FBXO40: variants seen among roughly 807,000 people sequenced by gnomAD.
FBXO40 encodes F-box protein 40.
Under a neutral mutation model 49.9 loss-of-function variants are expected in FBXO40, and 50 were observed. That is an observed-to-expected ratio of 1.00 (90% CI 0.80 to 1.27). The LOEUF (loss-of-function observed/expected upper bound fraction) is 1.27. Among genes scored for constraint, FBXO40 ranks in the 50% most tolerant of loss-of-function variants. The pLI, the probability that FBXO40 is intolerant of heterozygous loss-of-function variation, is 0.00. For missense variants in FBXO40, 895 were observed against 870.1 expected (o/e 1.03, Z -0.36); for synonymous variants, 340 against 320.2 (o/e 1.06, Z -0.66).
chr3:121,617,951 G>A (rs1193978730), intron 1 of FBXO40, among the ~76,000 whole-genome samples: 7 of 151,948 alleles, frequency 4.6e-5, no homozygotes, highest in African/African-American at 1.7e-4. Context: ...AGTGAGCTGT[G>A]ATGTGCCACT....
intron 1 of FBXO40, among the ~76,000 whole-genome samples, chr3:121,617,694 G>A (rs2049005999): frequency 6.6e-6 from 1 of 151,168 alleles, no homozygotes; most frequent in Non-Finnish European, 1.5e-5. Context: ...ATAATTTATT[G>A]TATATCTCAA....
intron 2 of FBXO40, 65 bp downstream of exon 2, chr3:121,620,643 G>A (rs1455975717): frequency 1.9e-6 from 3 of 1,599,294 alleles, no homozygotes; most frequent in East Asian, 2.2e-5. Context: ...CATTTATCCT[G>A]TAGCCCAAGC....
chr3:121,622,636 G>T lies in FBXO40; in HGVS notation c.1207G>T (p.Ala403Ser). 6.2e-7 allele frequency: 1 copy of T among 1,614,196 alleles called. No individual in the cohort carries two copies. Among genetic ancestry groups the T allele is most frequent in the Non-Finnish European group, 8.5e-7 (1 of 1,180,028 alleles). The change falls in exon 3 of 4, where the codon GCT (alanine) becomes TCT (serine). Residue 403 changes from alanine to serine, a missense_variant. Transcript: ENST00000338040. ...TCTCATCAAGACCACCCTCCAGTGT[G>T]CTTTGGAAAGAGAACTCAAAGGCCA... ...SDLIKTTLQC[A>S]LERELKGHVI... is the part of the protein sequence containing the mutation.
chr3:121,594,320 C>G (rs1176750030), intron 1 of FBXO40, among the ~76,000 whole-genome samples: 1 of 152,150 alleles, frequency 6.6e-6, no homozygotes, highest in Non-Finnish European at 1.5e-5. Flanking sequence ...CCTGCTTCAG[C>G]CTCCTGAGTA....
Position 121,625,186 on chromosome 3 carries a change from A to G in FBXO40, c.1915-1509A>G, listed in dbSNP as rs185755407. 7.2e-5 allele frequency among the ~76,000 whole-genome samples: 11 copies of G among 152,292 alleles called. No individual in the cohort carries two copies. In the East Asian group the frequency reaches 1.9e-3, roughly 27 times the overall value. On this transcript the variant is annotated intron_variant, in intron 3 of 3. Transcript: ENST00000338040. ...TTTGTTTAACTGTATTATAATTTCTACCAGCTTGTACCATACTGAAGTGAG... is the reference window on the plus strand; with the variant it reads ...TTTGTTTAACTGTATTATAATTTCTGCCAGCTTGTACCATACTGAAGTGAG...
chr3:121,622,274 T>C lies in FBXO40; in HGVS notation c.845T>C (p.Met282Thr), dbSNP rs1342543486. 1 of 1,614,184 alleles carries C rather than the reference T, an allele frequency of 6.2e-7. No homozygotes were observed. Among genetic ancestry groups the C allele is most frequent in the East Asian group, 2.2e-5 (1 of 44,876 alleles). ...NQKQQDVRTAMETTGLAPWQD... is the reference protein window; with the variant it reads ...NQKQQDVRTATETTGLAPWQD... ...AAGCAGCAGGACGTTCGTACAGCCA[T>C]GGAAACCACAGGGCTTGCCCCTTGG... The change falls in exon 3 of 4, where the codon ATG (methionine) becomes ACG (threonine). Residue 282 changes from methionine (M) to threonine (T), a missense_variant. Coordinates refer to ENST00000338040, the MANE Select transcript of FBXO40 (RefSeq NM_016298.4).
At chr3:121,616,936 A>G (rs780679696) in intron 1 of FBXO40, among the ~76,000 whole-genome samples, 2 of 152,200 alleles carry the variant, frequency 1.3e-5, no homozygotes, top group Non-Finnish European at 2.9e-5. Flanking sequence ...GCATGTTCTC[A>G]CTCATATGTG....
chr3:121,623,112 T>C lies in FBXO40; in HGVS notation c.1683T>C (p.His561=). Residue 561 remains histidine (H), a synonymous_variant, in exon 3 of 4, where the codon CAT becomes CAC. Coordinates refer to ENST00000338040, the MANE Select transcript of FBXO40 (RefSeq NM_016298.4). ...PELSEGRKNN[H]LLGHGGKSQN... is the part of the protein sequence containing the mutation. ...TGAGCGAGGGAAGGAAGAACAACCA[T>C]CTTTTGGGTCATGGAGGAAAAAGCC... 1 of 1,614,212 alleles carries C rather than the reference T, an allele frequency of 6.2e-7. No homozygotes were observed. Among genetic ancestry groups the C allele is most frequent in the Non-Finnish European group, 8.5e-7 (1 of 1,180,036 alleles).
chr3:121,614,396 C>T (rs145407995), intron 1 of FBXO40, among the ~76,000 whole-genome samples: 1,797 of 151,336 alleles, frequency 0.012, 35 homozygotes, highest in African/African-American at 0.033. Flanking sequence ...GAGCCGAAAT[C>T]GCACCACTGC....
rs2049071679 is a variant in FBXO40, at chr3:121,627,955, T to C, written c.*1045T>C. On this transcript the variant is annotated 3_prime_UTR_variant, in exon 4 of 4. Transcript: ENST00000338040. ...TTGGGGTCTTGGAGAGGAAGACATG[T>C]GAACATAACGGCTCCCTGAAATTGC... 3 of 398,622 alleles carry C rather than the reference T, an allele frequency of 7.5e-6. No homozygotes were observed. The highest frequency in any genetic ancestry group is 1.3e-5 in the Non-Finnish European group (3 of 226,078). The allele number at this position is 398,622 out of a possible 1,614,324, so 24.7% of individuals were successfully genotyped here. A position where few individuals can be genotyped will look rare whatever the true frequency, so the allele number is the denominator to read the frequency against.
chr3:121,604,254 G>A (rs534894192), intron 1 of FBXO40, among the ~76,000 whole-genome samples: 3 of 152,308 alleles, frequency 2.0e-5, no homozygotes, highest in Non-Finnish European at 2.9e-5. Flanking sequence ...CAGTTAACTG[G>A]AGGAGCAATA....
At chr3:121,615,200 CAAAAAAAAAAAAA>C (rs11448457) in intron 1 of FBXO40, among the ~76,000 whole-genome samples, 1 of 69,422 alleles carries the variant, frequency 1.4e-5, no homozygotes, top group South Asian at 6.0e-4. Flanking sequence ...GAGAGCATCT[CAAAAAAAAAAAAA>C]AAAAAAAAGT....
At chr3:121,610,381 C>T (rs1386110852) in intron 1 of FBXO40, among the ~76,000 whole-genome samples, 1 of 152,150 alleles carries the variant, frequency 6.6e-6, no homozygotes, top group Non-Finnish European at 1.5e-5. Flanking sequence ...TTTGTAGCTT[C>T]CTGCAGATAT....
Position 121,623,357 on chromosome 3 carries a change from C to T in FBXO40, c.1914+14C>T. On this transcript the variant is annotated intron_variant, in intron 3 of 3. Transcript: ENST00000338040. Reference sequence around the variant, plus strand: ...GTCCACAGAGAGGTAAGTAAACACTCATTTATTGATTGACTCATTCAGCAA... The same window carrying T: ...GTCCACAGAGAGGTAAGTAAACACTTATTTATTGATTGACTCATTCAGCAA... 1.3e-6 allele frequency: 2 copies of T among 1,588,656 alleles called. No homozygotes were observed. The highest frequency in any genetic ancestry group is 1.7e-4 in the Middle Eastern group (1 of 5,950).
intron 1 of FBXO40, among the ~76,000 whole-genome samples, chr3:121,596,492 T>C (rs1392031573): frequency 2.6e-5 from 4 of 152,228 alleles, no homozygotes. Flanking sequence ...GTCTCAGGCC[T>C]CACCCTGGTC....
chr3:121,607,395 C>T (rs1211421183), intron 1 of FBXO40, among the ~76,000 whole-genome samples: 8 of 143,730 alleles, frequency 5.6e-5, no homozygotes, highest in Admixed American at 2.1e-4. Context: ...CTGCAAGCTC[C>T]GCCTCCTGGG....
intron 1 of FBXO40, among the ~76,000 whole-genome samples, chr3:121,593,836 A>G (rs1363633936): frequency 6.6e-6 from 1 of 152,106 alleles, no homozygotes; most frequent in East Asian, 1.9e-4. Context: ...GTGAGGAAAC[A>G]AGTGGAAGGC....
intron 1 of FBXO40, among the ~76,000 whole-genome samples, chr3:121,619,355 C>T (rs115379542): frequency 1.9e-3 from 285 of 152,208 alleles, no homozygotes; most frequent in African/African-American, 6.8e-3. Context: ...CTAACCTCCC[C>T]ACTCCATCAC....
At chr3:121,613,068 T>G (rs2048976226) in intron 1 of FBXO40, among the ~76,000 whole-genome samples, 2 of 97,836 alleles carry the variant, frequency 2.0e-5, no homozygotes, top group Non-Finnish European at 4.5e-5. Flanking sequence ...AGACTCCGTC[T>G]CAGAAAAAAA....
Sources: gnomAD v4.1 joint callset for allele counts (sites outside exome capture counted in the v4.1 genomes callset) on GRCh38, gnomAD v4.1.1 for gene constraint, MANE v1.5 for transcripts, NCBI Gene and HGNC (gene_info 2026-07-23, HGNC 2026-07-21) for gene names.